The following REPS2 variants were observed in gnomAD, a reference collection of about 807,000 sequenced individuals.
The protein encoded by REPS2 is RALBP1 associated Eps domain containing 2.
A neutral mutation model predicts 53.6 loss-of-function variants in REPS2; 23 were observed. That is an observed-to-expected ratio of 0.43 (90% CI 0.31 to 0.61). REPS2 has a LOEUF of 0.61. Among genes scored for constraint, REPS2 ranks in the 20% least tolerant of loss-of-function variants. The pLI is 0.11. For missense variants in REPS2, 446 were observed against 534.9 expected (o/e 0.83, Z 1.64); for synonymous variants, 238 against 218.6 (o/e 1.09, Z -0.78).
chrX:17,114,104 A>ATC (rs1424801792), intron 14 of REPS2, among the ~76,000 whole-genome samples: 6 of 111,686 alleles, frequency 5.4e-5, no homozygotes, highest in African/African-American at 1.3e-4. Flanking sequence ...TAGACCTTTG[A>ATC]TGGTAAGGTT....
Position 17,050,182 on chromosome X carries a change from CTTTCTTTCTTTCTTTT to C in REPS2, c.908-2196_908-2181del, listed in dbSNP as rs1397720538. On this transcript the variant is annotated intron_variant, in intron 6 of 17. Coordinates refer to ENST00000357277, the MANE Select transcript of REPS2 (RefSeq NM_004726.3). ...TCTTTCTTTCTTTCTTTCTTTCTTT[CTTTCTTTCTTTCTTTT>C]TTTTTTTTTTTTGACAGGGTCTTAC... Among the ~76,000 whole-genome samples, 23 of 50,316 alleles carry C rather than the reference CTTTCTTTCTTTCTTTT, an allele frequency of 4.6e-4. 2 individuals carry two copies. Among genetic ancestry groups the C allele is most frequent in the African/African-American group, 1.9e-3 (21 of 11,284 alleles). 43.7% of individuals were successfully genotyped at this position (50,316 alleles called of 115,157 possible).
chrX:16,999,143 A>G (rs1390902133), intron 1 of REPS2, among the ~76,000 whole-genome samples: 2 of 112,317 alleles, frequency 1.8e-5, no homozygotes. Flanking sequence ...TTAAACTAAT[A>G]TCTTAGATGG....
chrX:17,053,481 G>C (rs1020125559), intron 7 of REPS2, among the ~76,000 whole-genome samples: 2 of 110,846 alleles, frequency 1.8e-5, no homozygotes, highest in African/African-American at 6.6e-5. Flanking sequence ...AAGCTCAAGC[G>C]ATCCTCCTAC....
At chrX:17,106,722 T>C (rs970845477) in intron 14 of REPS2, among the ~76,000 whole-genome samples, 6 of 111,664 alleles carry the variant, frequency 5.4e-5, no homozygotes, top group African/African-American at 2.0e-4. Flanking sequence ...CTGCCCAAAG[T>C]AATTTATAGA....
At position 17,102,028 on chromosome X, in the gene REPS2, T is replaced by G. The variant is rs12844894; in HGVS notation, c.1517-1690T>G. ...TTTGCGTAGATTTATTTTATTTTAT[T>G]TTATGTTATGTTATGTTATGTTATG... On this transcript the variant is annotated intron_variant, in intron 13 of 17. Transcript: ENST00000357277. Among the ~76,000 whole-genome samples, 164 of 95,288 alleles carry G rather than the reference T, an allele frequency of 1.7e-3. 2 individuals carry two copies. The highest frequency in any genetic ancestry group is 5.2e-3 in the African/African-American group (126 of 24,231). The allele number at this position is 95,288 out of a possible 115,157, so 82.7% of individuals were successfully genotyped here.
downstream of REPS2, among the ~76,000 whole-genome samples, chrX:17,156,840 A>C (rs749453205): frequency 8.9e-6 from 1 of 112,060 alleles, no homozygotes; most frequent in Non-Finnish European, 1.9e-5. Context: ...ATTGGCTTGA[A>C]CTTCAACCCA....
Position 17,054,664 on chromosome X carries a change from G to T in REPS2, c.972-144G>T, listed in dbSNP as rs961663373. ...TTTCTTCCTCGGAGTGGCCCCCAGAGATTTCAAATGGATTTGGCTAGGAGG... is the reference window on the plus strand; with the variant it reads ...TTTCTTCCTCGGAGTGGCCCCCAGATATTTCAAATGGATTTGGCTAGGAGG... On this transcript the variant is annotated intron_variant, in intron 7 of 17. Transcript: ENST00000357277. 2.3e-5 allele frequency: 12 copies of T among 530,860 alleles called. No homozygotes were observed. The African/African-American group carries it at 2.8e-4, about 13-fold the overall frequency. 43.7% of individuals were successfully genotyped at this position (530,860 alleles called of 1,213,427 possible). A position where few individuals can be genotyped will look rare whatever the true frequency, so the allele number is the denominator to read the frequency against.
intron 1 of REPS2, among the ~76,000 whole-genome samples, chrX:16,996,794 T>G (rs1358930327): frequency 8.9e-6 from 1 of 112,119 alleles, no homozygotes; most frequent in Non-Finnish European, 1.9e-5. Flanking sequence ...ATACTGGTGT[T>G]CCATTTACTT....
chrX:16,977,010 A>C (rs1188251647), intron 1 of REPS2, among the ~76,000 whole-genome samples: 2 of 111,618 alleles, frequency 1.8e-5, no homozygotes, highest in Admixed American at 1.9e-4. Context: ...AAAGATTAGC[A>C]TATTGATAGA....
chrX:17,059,358 T>C (rs1438100605), intron 8 of REPS2, among the ~76,000 whole-genome samples: 1 of 108,694 alleles, frequency 9.2e-6, no homozygotes, highest in Non-Finnish European at 1.9e-5. Flanking sequence ...TTCTAATTGA[T>C]CTATATTCAG....
rs185321402 is a variant in REPS2 at position 17,102,324 on chromosome X, C to T, written c.1517-1394C>T. Among the ~76,000 whole-genome samples, 12 of 111,555 alleles carry T rather than the reference C, an allele frequency of 1.1e-4. No homozygotes were observed. In the East Asian group the frequency reaches 2.5e-3, roughly 23 times the overall value. On this transcript the variant is annotated intron_variant, in intron 13 of 17. Transcript: ENST00000357277. ...CTCAAACTCCTGAGCTCAAGGGATC[C>T]GCCTACCTTGGCCTCCCAAAGTGCT...
At chrX:17,055,060 A>C in intron 8 of REPS2, 110 bp downstream of exon 8, 1 of 723,254 alleles carries the variant, frequency 1.4e-6, no homozygotes, top group Admixed American at 3.7e-5. Context: ...GTGTGAGATG[A>C]TATCTCATAG....
At chrX:17,109,112 C>T in intron 14 of REPS2, among the ~76,000 whole-genome samples, 1 of 111,010 alleles carries the variant, frequency 9.0e-6, no homozygotes, top group Admixed American at 9.6e-5. Flanking sequence ...GAGCAAGCCT[C>T]CTGCTCACTT....
intron 1 of REPS2, among the ~76,000 whole-genome samples, chrX:16,989,169 C>A (rs1347504493): frequency 9.4e-6 from 1 of 106,061 alleles, no homozygotes; most frequent in Non-Finnish European, 1.9e-5. Context: ...TGATCTTTGA[C>A]AAAATTGCAA....
At chrX:17,089,606 T>TTTCATATAAC (rs1569169861) in intron 13 of REPS2, among the ~76,000 whole-genome samples, 6 of 110,952 alleles carry the variant, frequency 5.4e-5, no homozygotes, top group African/African-American at 2.0e-4. Context: ...CTTTTCTGAA[T>TTTCATATAAC]ATTTCATATA....
At chrX:16,995,352 A>G (rs896212217) in intron 1 of REPS2, among the ~76,000 whole-genome samples, 1 of 112,447 alleles carries the variant, frequency 8.9e-6, no homozygotes, top group African/African-American at 3.2e-5. Flanking sequence ...CTAATTGCGC[A>G]GTGAATTTGG....
At chrX:16,972,437 C>G (rs753669479) in intron 1 of REPS2, among the ~76,000 whole-genome samples, 1 of 111,900 alleles carries the variant, frequency 8.9e-6, no homozygotes, top group Non-Finnish European at 1.9e-5. Flanking sequence ...AATGCTAAGT[C>G]GTAGACTACT....
At chrX:17,132,068 C>T (rs2063299820) in intron 14 of REPS2, among the ~76,000 whole-genome samples, 1 of 111,643 alleles carries the variant, frequency 9.0e-6, no homozygotes, top group South Asian at 3.8e-4. Context: ...ATGGTAAAAC[C>T]CAATGAAGTC....
the REPS2 span, among the ~76,000 whole-genome samples, chrX:17,194,117 T>G: frequency 8.9e-6 from 1 of 111,947 alleles, no homozygotes; most frequent in African/African-American, 3.2e-5. Flanking sequence ...GTATGAATTC[T>G]AACCTGCTAC....
Sources: gnomAD v4.1 joint callset for allele counts (sites outside exome capture counted in the v4.1 genomes callset) on GRCh38, gnomAD v4.1.1 for gene constraint, MANE v1.5 for transcripts, NCBI Gene and HGNC (gene_info 2026-07-23, HGNC 2026-07-21) for gene names.